Variants in COX7A2 observed in about 807,000 individuals in gnomAD.
COX7A2 encodes cytochrome c oxidase subunit 7A2.
Under a neutral mutation model 11.6 loss-of-function variants are expected in COX7A2, and 11 were observed. The observed-to-expected ratio is 0.95, with a 90% confidence interval of 0.60 to 1.57. COX7A2 has a LOEUF of 1.57. COX7A2 is among the 40% of genes most tolerant of loss of function. The pLI is 0.00. For synonymous variants in COX7A2, 30 were observed against 38.2 expected, an observed-to-expected ratio of 0.78 and a Z score of 0.79; for missense variants, 106 against 100.9, an observed-to-expected ratio of 1.05 and a Z score of -0.22.
upstream of COX7A2, chr6:75,244,037 A>C: frequency 2.0e-6 from 1 of 499,202 alleles, no homozygotes; most frequent in African/African-American, 1.9e-5. Flanking sequence ...TTATGAGACG[A>C]ATGTAATAAG....
chr6:75,240,568 A>C, intron 2 of COX7A2, 183 bp from the exon 3 acceptor site: 1 of 483,660 alleles, frequency 2.1e-6, no homozygotes, highest in Non-Finnish European at 3.6e-6. Context: ...TACTACTTTT[A>C]AAATAAGAAT....
At chr6:75,244,002 T>C (rs1771619082), upstream of COX7A2, 2 of 571,608 alleles carry the variant, frequency 3.5e-6, no homozygotes, top group South Asian at 4.1e-5. Context: ...TCCCTGGAGC[T>C]AAGGCTGGGG....
intron 1 of COX7A2, among the ~76,000 whole-genome samples, chr6:75,242,979 C>T (rs917166841): frequency 1.3e-5 from 2 of 152,200 alleles, no homozygotes; most frequent in Admixed American, 6.5e-5. Flanking sequence ...AGAGGGTATA[C>T]ATCTTTTAAA....
At chr6:75,245,152 T>G (rs1191528515), upstream of COX7A2, among the ~76,000 whole-genome samples, 2 of 152,184 alleles carry the variant, frequency 1.3e-5, no homozygotes, top group Non-Finnish European at 2.9e-5. Context: ...ATACATCAAT[T>G]AATTACATTG....
At chr6:75,247,217 CT>C (rs201071551), upstream of COX7A2, among the ~76,000 whole-genome samples, 4,338 of 151,822 alleles carry the variant, frequency 0.029, 195 homozygotes, top group African/African-American at 0.099. Context: ...CTTTTTTTTC[CT>C]TTTTTTCCTT....
intron 2 of COX7A2, chr6:75,240,733 C>G (rs1771474508): frequency 5.1e-6 from 1 of 194,550 alleles, no homozygotes; most frequent in South Asian, 1.4e-4. Context: ...AATTGCCACA[C>G]ATTAGATTTA....
chr6:75,244,309 G>A (rs1771632260), upstream of COX7A2, among the ~76,000 whole-genome samples: 1 of 152,216 alleles, frequency 6.6e-6, no homozygotes, highest in African/African-American at 2.4e-5. Flanking sequence ...GCTGTGTCGA[G>A]ATACCAGTTT....
At chr6:75,242,360 G>T (rs929235772) in intron 1 of COX7A2, among the ~76,000 whole-genome samples, 1 of 151,838 alleles carries the variant, frequency 6.6e-6, no homozygotes. Context: ...ACAAAAATTA[G>T]CTGGGCATGG....
chr6:75,244,278 T>G (rs1254849036), upstream of COX7A2, among the ~76,000 whole-genome samples: 1 of 152,240 alleles, frequency 6.6e-6, no homozygotes, highest in Non-Finnish European at 1.5e-5. Flanking sequence ...CTGTTCCTTG[T>G]GTTGAGAATA....
In COX7A2 at chr6:75,240,931, C is replaced by G. The variant is rs186603500; in HGVS notation, c.108+245G>C. The G allele has an allele frequency of 5.7e-5, 19 of 331,754 alleles. No individual in the cohort carries two copies. The Admixed American group carries it at 7.1e-4, about 12-fold the overall frequency. The allele number at this position is 331,754 out of a possible 1,614,324, so 20.6% of individuals were successfully genotyped here. Reference sequence around the variant, plus strand: ...CACTTTAAGCTTTATTTAGGAAAAGCTAGAAACCATAATAAAACAAAAATC... The same window carrying G: ...CACTTTAAGCTTTATTTAGGAAAAGGTAGAAACCATAATAAAACAAAAATC... On this transcript the variant is annotated intron_variant, in intron 2 of 3. Coordinates refer to ENST00000684430, the MANE Select transcript of COX7A2 (RefSeq NM_001366293.2).
chr6:75,241,134 C>A lies in COX7A2; in HGVS notation c.108+42G>T, dbSNP rs752682362. On this transcript the variant is annotated intron_variant, in intron 2 of 3. Transcript: ENST00000684430. ...ATCCCAACTCTTACCTTTTGGTAAT[C>A]TAATAATTACAAGTAACATCTCCTA... The A allele has an allele frequency of 2.2e-5, 35 of 1,564,448 alleles. No individual in the cohort carries two copies. The Admixed American group carries it at 5.8e-4, about 26-fold the overall frequency.
chr6:75,246,234 A>G (rs1022303168), upstream of COX7A2, among the ~76,000 whole-genome samples: 2 of 152,234 alleles, frequency 1.3e-5, no homozygotes, highest in African/African-American at 4.8e-5. Context: ...CGCATCTCAA[A>G]CTTACAAACA....
At chr6:75,242,453 C>G (rs1771535646) in intron 1 of COX7A2, among the ~76,000 whole-genome samples, 1 of 151,976 alleles carries the variant, frequency 6.6e-6, no homozygotes, top group Non-Finnish European at 1.5e-5. Flanking sequence ...TTGCAGTGAG[C>G]CGAGATTGCA....
intron 2 of COX7A2, 63 bp from the exon 3 acceptor site, chr6:75,240,448 C>T (rs57613317): frequency 0.031 from 35,542 of 1,161,156 alleles, 1,071 homozygotes; most frequent in African/African-American, 0.091. Context: ...AACTAAGTTT[C>T]AAAAGAACAG....
At position 75,248,959 on chromosome 6, in the gene COX7A2, G is replaced by C. The variant is rs138992157; in HGVS notation, c.-44+1097C>G. Reference sequence around the variant, plus strand: ...AACTAGTGGGCTAAGGTTGTAAAAAGACAGAATTTTGGGCCGGGCACGGAT... The same window carrying C: ...AACTAGTGGGCTAAGGTTGTAAAAACACAGAATTTTGGGCCGGGCACGGAT... On this transcript the variant is annotated intron_variant, in intron 1 of 4. Coordinates refer to the COX7A2 transcript ENST00000370081. 5.9e-5 allele frequency among the ~76,000 whole-genome samples: 9 copies of C among 152,254 alleles called. No homozygotes were observed. The East Asian group carries it at 1.7e-3, about 29-fold the overall frequency.
chr6:75,245,702 A>C (rs146160790), upstream of COX7A2, among the ~76,000 whole-genome samples: 67 of 152,112 alleles, frequency 4.4e-4, no homozygotes, highest in African/African-American at 1.6e-3. Flanking sequence ...TCCTCCTCCT[A>C]ATCTTTTTTT....
rs1475487361 is a variant in COX7A2, at chr6:75,241,160, T to C, written c.108+16A>G. 3.1e-6 allele frequency: 5 copies of C among 1,595,254 alleles called. No homozygotes were observed. In the East Asian group the frequency reaches 6.7e-5, roughly 21 times the overall value. On this transcript the variant is annotated intron_variant, in intron 2 of 3. Transcript: ENST00000684430. Reference sequence around the variant, plus strand: ...TAATAATTACAAGTAACATCTCCTATAAAATACTTCAGTACCTGGAACAGT... The same window carrying C: ...TAATAATTACAAGTAACATCTCCTACAAAATACTTCAGTACCTGGAACAGT...
intron 1 of COX7A2, among the ~76,000 whole-genome samples, 170 bp from the exon 2 acceptor site, chr6:75,241,435 C>T (rs1448682444): frequency 6.6e-6 from 1 of 152,176 alleles, no homozygotes; most frequent in Non-Finnish European, 1.5e-5. Flanking sequence ...GTTATCCATC[C>T]TCTGCTCTTC....
chr6:75,239,861 G>A (rs959337888), intron 3 of COX7A2, among the ~76,000 whole-genome samples: 1 of 152,140 alleles, frequency 6.6e-6, no homozygotes, highest in Non-Finnish European at 1.5e-5. Context: ...CAATACTTTG[G>A]GAGGCTGTGG....
Sources: allele counts gnomAD v4.1 joint callset (sites outside exome capture counted in the v4.1 genomes callset), GRCh38; gene constraint gnomAD v4.1.1; transcripts MANE v1.5; gene names NCBI Gene and HGNC (gene_info 2026-07-23, HGNC 2026-07-21).